MCTP2: variants seen among roughly 807,000 people sequenced by gnomAD.
The protein encoded by MCTP2 is multiple C2 and transmembrane domain-containing protein 2.
MCTP2 carries 132 observed loss-of-function variants against 111.6 expected under a neutral mutation model. The observed-to-expected ratio is 1.18, with a 90% confidence interval of 1.03 to 1.37. MCTP2 has a LOEUF of 1.37. MCTP2 is among the 40% of genes most tolerant of loss of function. MCTP2 has a pLI of 0.00. For missense variants in MCTP2, 1,183 were observed against 1,067.9 expected (o/e 1.11, Z -1.50); for synonymous variants, 395 against 387.7 (o/e 1.02, Z -0.22).
intron 17 of MCTP2, among the ~76,000 whole-genome samples, chr15:94,427,834 A>G (rs975793028): frequency 2.0e-5 from 3 of 152,184 alleles, no homozygotes; most frequent in African/African-American, 7.2e-5. Flanking sequence ...GTTTGTGTAT[A>G]TTAAGCAGAT....
At chr15:94,241,547 T>G (rs1460008238) in intron 1 of MCTP2, among the ~76,000 whole-genome samples, 2 of 152,166 alleles carry the variant, frequency 1.3e-5, no homozygotes, top group African/African-American at 4.8e-5. Flanking sequence ...ACTGACTTAG[T>G]ACTTACAAGG....
At chr15:94,334,972 C>A (rs887898518) in intron 4 of MCTP2, among the ~76,000 whole-genome samples, 12 of 152,122 alleles carry the variant, frequency 7.9e-5, no homozygotes, top group African/African-American at 2.9e-4. Flanking sequence ...CTTTCCCATC[C>A]GTGGAGTGCC....
At chr15:94,402,327 T>C in intron 17 of MCTP2, 2 of 985,426 alleles carry the variant, frequency 2.0e-6, no homozygotes, top group Non-Finnish European at 2.4e-6. Context: ...GCCCATAATT[T>C]CTGAAAAATG....
In MCTP2 at chr15:94,384,008, T is replaced by C. The variant is rs56166130; in HGVS notation, c.1583-14T>C. The stretch of plus-strand genomic sequence containing the variant: ...TTCACTTGTCTTTGACCGATGTGTA[T>C]GTTATCTTTCCAGGGAAGAGTGACC... On this transcript the variant is annotated splice_polypyrimidine_tract_variant and intron_variant, in intron 12 of 22. Coordinates refer to ENST00000357742, the MANE Select transcript of MCTP2 (RefSeq NM_001385001.1). 0.061 allele frequency: 96,174 copies of C among 1,579,022 alleles called. 3,379 individuals are homozygous for C. Among genetic ancestry groups the C allele is most frequent in the African/African-American group, 0.12 (8,985 of 74,344 alleles).
chr15:94,275,560 C>CTGTTT (rs10624651), intron 1 of MCTP2, among the ~76,000 whole-genome samples: 3 of 151,936 alleles, frequency 2.0e-5, no homozygotes, highest in Admixed American at 2.0e-4. Flanking sequence ...TCTCCACTGT[C>CTGTTT]TTTTTCTATT....
At chr15:94,376,894 G>C (rs2079806134) in intron 12 of MCTP2, among the ~76,000 whole-genome samples, 1 of 152,124 alleles carries the variant, frequency 6.6e-6, no homozygotes, top group Non-Finnish European at 1.5e-5. Context: ...AGTTTTATTA[G>C]TATAAAATAG....
chr15:94,351,223 G>T (rs2078285616), intron 8 of MCTP2, among the ~76,000 whole-genome samples: 1 of 152,150 alleles, frequency 6.6e-6, no homozygotes, highest in Non-Finnish European at 1.5e-5. Context: ...TTTCTGTGTA[G>T]TTCTAGGAGA....
At chr15:94,461,825 G>T (rs1344431552) in intron 20 of MCTP2, among the ~76,000 whole-genome samples, 1 of 152,112 alleles carries the variant, frequency 6.6e-6, no homozygotes, top group East Asian at 1.9e-4. Context: ...CAGTTAAGTG[G>T]TTGGAATCCA....
chr15:94,422,729 C>T (rs564564885), intron 17 of MCTP2, among the ~76,000 whole-genome samples: 24 of 152,304 alleles, frequency 1.6e-4, no homozygotes, highest in African/African-American at 5.1e-4. Context: ...TATTGCCAGC[C>T]GTTGCTCTAT....
chr15:94,340,152 TTGGTTTACCATAATAA>T, intron 5 of MCTP2, 31 bp from the exon 6 acceptor site: 1 of 1,309,568 alleles, frequency 7.6e-7, no homozygotes, highest in Non-Finnish European at 1.1e-6. Flanking sequence ...AAAAACTCAG[TTGGTTTACCATAATAA>T]TGTGTTAATT....
chr15:94,328,446 A>G (rs1039065439), intron 4 of MCTP2, among the ~76,000 whole-genome samples: 10 of 152,088 alleles, frequency 6.6e-5, no homozygotes, highest in African/African-American at 2.4e-4. Context: ...GTTTATTTCT[A>G]TACCACGATG....
intron 17 of MCTP2, among the ~76,000 whole-genome samples, chr15:94,405,277 T>G (rs1459762622): frequency 6.6e-6 from 1 of 152,234 alleles, no homozygotes; most frequent in African/African-American, 2.4e-5. Flanking sequence ...ATATTAACTT[T>G]ATGTTCTAGA....
intron 17 of MCTP2, among the ~76,000 whole-genome samples, chr15:94,427,359 CAA>C (rs951396609): frequency 1.2e-4 from 18 of 152,206 alleles, no homozygotes; most frequent in African/African-American, 3.9e-4. Context: ...TTTATGAAAA[CAA>C]GAGGTTTAGT....
At chr15:94,257,566 G>GTTGTTTTTTTTTT (rs1333787803) in intron 1 of MCTP2, among the ~76,000 whole-genome samples, 5 of 73,006 alleles carry the variant, frequency 6.8e-5, no homozygotes, top group Non-Finnish European at 1.3e-4. Context: ...CATTTTCTTT[G>GTTGTTTTTTTTTT]TTGTTTTTTT....
intron 2 of MCTP2, among the ~76,000 whole-genome samples, chr15:94,301,741 T>A (rs1223607959): frequency 1.3e-5 from 2 of 152,222 alleles, no homozygotes; most frequent in Non-Finnish European, 2.9e-5. Flanking sequence ...TCAATTTTAT[T>A]TTATATGATA....
chr15:94,430,396 CA>C (rs2083114327), intron 17 of MCTP2, among the ~76,000 whole-genome samples: 1 of 7,626 alleles, frequency 1.3e-4, no homozygotes, highest in Admixed American at 1.3e-3. Context: ...AAAACAATCA[CA>C]CACACACACA....
chr15:94,470,272 G>A (rs1346734765), intron 20 of MCTP2, 61 bp from the exon 21 acceptor site: 1 of 1,177,168 alleles, frequency 8.5e-7, no homozygotes, highest in African/African-American at 1.5e-5. Context: ...AACATGACAA[G>A]TTGACTCTGT....
chr15:94,358,167 G>A (rs564104137), intron 9 of MCTP2, among the ~76,000 whole-genome samples: 1 of 152,282 alleles, frequency 6.6e-6, no homozygotes, highest in East Asian at 1.9e-4. Flanking sequence ...ACAGACAATT[G>A]TAAGATGTCT....
chr15:94,326,350 A>C (rs1265675915), intron 4 of MCTP2, among the ~76,000 whole-genome samples: 2 of 152,086 alleles, frequency 1.3e-5, no homozygotes, highest in Non-Finnish European at 2.9e-5. Flanking sequence ...ACGTTCTTAT[A>C]CCTAAATCTG....
Sources: allele counts gnomAD v4.1 joint callset (sites outside exome capture counted in the v4.1 genomes callset), GRCh38; gene constraint gnomAD v4.1.1; transcripts MANE v1.5; gene names NCBI Gene and HGNC (gene_info 2026-07-23, HGNC 2026-07-21).